Variants in PIAS1 observed in about 807,000 individuals in gnomAD.
PIAS1 encodes E3 SUMO-protein ligase PIAS1.
A neutral mutation model predicts 71.3 loss-of-function variants in PIAS1; 6 were observed. The ratio of observed to expected loss-of-function variants is 0.08; its 90% confidence interval spans 0.05 to 0.17. The LOEUF (loss-of-function observed/expected upper bound fraction) is 0.17. PIAS1 is among the 10% of genes least tolerant of loss of function. The probability of loss-of-function intolerance (pLI) is 1.00; values close to 1 mark genes in which losing one functional copy is unlikely to be tolerated. For synonymous variants in PIAS1, 303 were observed against 292.9 expected, an observed-to-expected ratio of 1.03 and a Z score of -0.35; for missense variants, 555 against 793.6, an observed-to-expected ratio of 0.70 and a Z score of 3.61.
At chr15:68,067,515 G>C (rs983689260) in intron 1 of PIAS1, among the ~76,000 whole-genome samples, 3 of 151,540 alleles carry the variant, frequency 2.0e-5, no homozygotes, top group African/African-American at 7.3e-5. Flanking sequence ...CTTTATGGGG[G>C]GAATATGGCA....
At chr15:68,078,873 A>G (rs2092198076) in intron 1 of PIAS1, among the ~76,000 whole-genome samples, 1 of 152,216 alleles carries the variant, frequency 6.6e-6, no homozygotes, top group Non-Finnish European at 1.5e-5. Flanking sequence ...AAATGACGCT[A>G]AAAATTATGA....
At chr15:68,107,171 A>T (rs1459167697) in intron 2 of PIAS1, among the ~76,000 whole-genome samples, 2 of 152,176 alleles carry the variant, frequency 1.3e-5, no homozygotes, top group South Asian at 2.1e-4. Flanking sequence ...TAACTTAGGG[A>T]TGAGAGTCCA....
intron 1 of PIAS1, among the ~76,000 whole-genome samples, chr15:68,066,927 G>T (rs2092035558): frequency 6.6e-6 from 1 of 152,186 alleles, no homozygotes; most frequent in Non-Finnish European, 1.5e-5. Flanking sequence ...TCTTCTAAGT[G>T]TGAGTAGGTC....
chr15:68,151,235 A>G (rs1486743422), intron 6 of PIAS1, among the ~76,000 whole-genome samples: 1 of 151,994 alleles, frequency 6.6e-6, no homozygotes, highest in Non-Finnish European at 1.5e-5. Context: ...ATTTTATATT[A>G]CCAGTACAAG....
rs867595183 is a variant in PIAS1, at chr15:68,167,666, A to G, written c.1008+2862A>G. Among the ~76,000 whole-genome samples, 5 of 152,132 alleles carry G rather than the reference A, an allele frequency of 3.3e-5. No homozygotes were observed. Among genetic ancestry groups the G allele is most frequent in the African/African-American group, 9.7e-5 (4 of 41,438 alleles). On this transcript the variant is annotated intron_variant, in intron 8 of 13. Coordinates refer to ENST00000249636, the MANE Select transcript of PIAS1 (RefSeq NM_016166.3). The surrounding 1 kb of genome is among the most constrained non-coding windows in gnomAD (Gnocchi z 4.4). Reference sequence around the variant, plus strand: ...TAAACTCTGGAAATGTATTTATGAAATATTTATTATTGTGAAAAAAACTTG... The same window carrying G: ...TAAACTCTGGAAATGTATTTATGAAGTATTTATTATTGTGAAAAAAACTTG...
chr15:68,181,636 C>T (rs1472852354), intron 12 of PIAS1: 2 of 264,286 alleles, frequency 7.6e-6, no homozygotes, highest in Admixed American at 9.6e-5. Context: ...TTTTGAATGA[C>T]TGCTAGTATG....
chr15:68,166,506 CTGT>C (rs1384278410), intron 8 of PIAS1, among the ~76,000 whole-genome samples: 1 of 152,104 alleles, frequency 6.6e-6, no homozygotes, highest in Non-Finnish European at 1.5e-5. Context: ...ATTCCCCCAT[CTGT>C]TGTTCTTTGC....
At chr15:68,103,701 C>T (rs2092447325) in intron 2 of PIAS1, among the ~76,000 whole-genome samples, 3 of 152,106 alleles carry the variant, frequency 2.0e-5, no homozygotes, top group Non-Finnish European at 4.4e-5. Flanking sequence ...TGAATGGAAT[C>T]GTATGGTATA....
chr15:68,130,245 G>C (rs528855673), intron 2 of PIAS1, among the ~76,000 whole-genome samples: 21 of 151,980 alleles, frequency 1.4e-4, no homozygotes, highest in African/African-American at 5.1e-4. Context: ...GCTTATGAAA[G>C]AGGCAAAATA....
chr15:68,080,673 A>G (rs979264857), intron 1 of PIAS1, among the ~76,000 whole-genome samples: 1 of 152,204 alleles, frequency 6.6e-6, no homozygotes, highest in Non-Finnish European at 1.5e-5. Context: ...AAATAATAAA[A>G]TACTTTTGTT....
At chr15:68,150,180 A>G (rs2092835405) in intron 6 of PIAS1, among the ~76,000 whole-genome samples, 1 of 151,830 alleles carries the variant, frequency 6.6e-6, no homozygotes, top group South Asian at 2.1e-4. Flanking sequence ...TTTTGGGGAA[A>G]GTTTTGAAAA....
At chr15:68,155,599 A>G (rs2141066048) in intron 7 of PIAS1, among the ~76,000 whole-genome samples, 1 of 152,274 alleles carries the variant, frequency 6.6e-6, no homozygotes, top group South Asian at 2.1e-4. Flanking sequence ...CATTCTTAAT[A>G]AAATAAGTAC....
In PIAS1 at chr15:68,171,916, CTTTTA is replaced by C. The variant is rs1036443140; in HGVS notation, c.1009-1814_1009-1810del. Among the ~76,000 whole-genome samples, 3 of 150,842 alleles carry C rather than the reference CTTTTA, an allele frequency of 2.0e-5. No individual in the cohort carries two copies. Among genetic ancestry groups the C allele is most frequent in the Non-Finnish European group, 4.4e-5 (3 of 67,708 alleles). The stretch of plus-strand genomic sequence containing the variant: ...ATTTTTCTTTCATATATATTTTTTT[CTTTTA>C]TATGTTTTATATATATATAAAATAC... On this transcript the variant is annotated intron_variant, in intron 8 of 13. Coordinates refer to ENST00000249636, the MANE Select transcript of PIAS1 (RefSeq NM_016166.3). This position sits in a 1 kb window ranked among gnomAD's most constrained non-coding sequence, Gnocchi z 4.4.
chr15:68,164,801 TC>T lies in PIAS1; in HGVS notation c.1007del (p.Pro336HisfsTer7). The T allele has an allele frequency of 6.4e-7, 1 of 1,560,740 alleles. No individual in the cohort carries two copies. Among genetic ancestry groups the T allele is most frequent in the Non-Finnish European group, 8.8e-7 (1 of 1,138,334 alleles). Reference sequence around the variant, plus strand: ...CCAGCCTAAGGGTTTCTCTACTATGTCCAGTAAGTGTTAACTATTACTTGCT... The same window carrying T: ...CCAGCCTAAGGGTTTCTCTACTATGTCAGTAAGTGTTAACTATTACTTGCT... ...TTSLRVSLLC[P>X]LGKMRLTIPC... On this transcript the variant is annotated frameshift_variant and splice_region_variant, in exon 8 of 14. Transcript: ENST00000249636. LOFTEE classifies it high-confidence loss of function.
intron 2 of PIAS1, among the ~76,000 whole-genome samples, chr15:68,139,332 A>G (rs1168997732): frequency 6.6e-6 from 1 of 152,190 alleles, no homozygotes; most frequent in Non-Finnish European, 1.5e-5. Flanking sequence ...CATCTCACAC[A>G]TGTCTAAAAG....
chr15:68,096,412 C>G (rs888549391), intron 2 of PIAS1, among the ~76,000 whole-genome samples: 1 of 149,738 alleles, frequency 6.7e-6, no homozygotes, highest in East Asian at 1.9e-4. Context: ...TTGGGAGTCC[C>G]TTGAGATTTT....
At chr15:68,183,227 A>G (rs1050271453) in intron 12 of PIAS1, among the ~76,000 whole-genome samples, 4 of 152,350 alleles carry the variant, frequency 2.6e-5, no homozygotes, top group African/African-American at 9.6e-5. Context: ...TCAACTTCAA[A>G]CTTTCTCACC....
Position 68,161,521 on chromosome 15 carries a change from A to T in PIAS1, c.935-3210A>T, listed in dbSNP as rs1207204535. On this transcript the variant is annotated intron_variant, in intron 7 of 13. Coordinates refer to ENST00000249636, the MANE Select transcript of PIAS1 (RefSeq NM_016166.3). ...TTTTTTTTAATAGAAATTGGCAAAC[A>T]TTCTAAAATAATTTCAGAAAATTCT... 6.6e-5 allele frequency among the ~76,000 whole-genome samples: 10 copies of T among 152,000 alleles called. No homozygotes were observed. The South Asian group carries it at 1.0e-3, about 16-fold the overall frequency.
chr15:68,144,368 A>G (rs1217575857), intron 4 of PIAS1, among the ~76,000 whole-genome samples: 1 of 152,004 alleles, frequency 6.6e-6, no homozygotes, highest in Non-Finnish European at 1.5e-5. Flanking sequence ...GTCTGTTTTC[A>G]TTTATGTTGT....
Sources: gnomAD v4.1 joint callset for allele counts (sites outside exome capture counted in the v4.1 genomes callset) on GRCh38, gnomAD v4.1.1 for gene constraint, Gnocchi (gnomAD v3.1) non-coding constraint, MANE v1.5 for transcripts, NCBI Gene and HGNC (gene_info 2026-07-23, HGNC 2026-07-21) for gene names.